The following PUDP variants were observed in gnomAD, a reference collection of about 807,000 sequenced individuals.
The protein encoded by PUDP is pseudouridine-5'-phosphatase.
Under a neutral mutation model 9.4 loss-of-function variants are expected in PUDP, and 8 were observed. That is an observed-to-expected ratio of 0.85 (90% CI 0.50 to 1.53). The LOEUF (loss-of-function observed/expected upper bound fraction) is 1.53, where lower values mean the gene tolerates loss of function less well. Among genes scored for constraint, PUDP ranks in the 40% most tolerant of loss-of-function variants. The probability of loss-of-function intolerance (pLI) is 0.00; values close to 1 mark genes in which losing one functional copy is unlikely to be tolerated. For missense variants in PUDP, 188 were observed against 189.7 expected (o/e 0.99, Z 0.05); for synonymous variants, 99 against 80.7 (o/e 1.23, Z -1.22).
chrX:6,910,446 G>A (rs978094691), intron 3 of PUDP, among the ~76,000 whole-genome samples: 1 of 111,402 alleles, frequency 9.0e-6, no homozygotes, highest in Non-Finnish European at 1.9e-5. Flanking sequence ...GGAGTGAGAT[G>A]TACCAGACAA....
intron 1 of PUDP, among the ~76,000 whole-genome samples, chrX:7,006,095 G>A (rs1039007582): frequency 2.7e-5 from 3 of 112,109 alleles, no homozygotes; most frequent in African/African-American, 9.8e-5. Flanking sequence ...GGACACTTGG[G>A]TTGCCTTCAC....
Position 7,074,112 on chromosome X carries a change from A to G in PUDP, c.510+3108T>C, listed in dbSNP as rs372509395. ...AAAACATGGCTAATTTTTTGTGGAG[A>G]CAGGGTCTGGCTATGTTGACCTGGC... On this transcript the variant is annotated intron_variant, in intron 3 of 3. Coordinates refer to ENST00000381077, the MANE Select transcript of PUDP (RefSeq NM_012080.5). Among the ~76,000 whole-genome samples, 7 of 112,515 alleles carry G rather than the reference A, an allele frequency of 6.2e-5. No homozygotes were observed. In the East Asian group the frequency reaches 2.0e-3, roughly 32 times the overall value.
At chrX:6,936,803 CA>C (rs1199212745) in intron 3 of PUDP, among the ~76,000 whole-genome samples, 3 of 97,242 alleles carry the variant, frequency 3.1e-5, no homozygotes, top group Non-Finnish European at 6.1e-5. Context: ...GATACAAAAT[CA>C]ATGTACAAAA....
chrX:6,730,255 C>T (rs949746888), intron 3 of PUDP, among the ~76,000 whole-genome samples: 1 of 112,225 alleles, frequency 8.9e-6, no homozygotes, highest in Non-Finnish European at 1.9e-5. Flanking sequence ...ATGATGCTGA[C>T]ATGATCGCCT....
chrX:6,812,387 A>C (rs765111064), intron 3 of PUDP, among the ~76,000 whole-genome samples: 4 of 111,949 alleles, frequency 3.6e-5, no homozygotes, highest in Non-Finnish European at 7.5e-5. Context: ...TTTTTCTTTA[A>C]AACAAGTGGA....
intron 1 of PUDP, among the ~76,000 whole-genome samples, chrX:7,109,429 G>A (rs747885062): frequency 1.8e-5 from 2 of 112,261 alleles, no homozygotes; most frequent in African/African-American, 6.5e-5. Flanking sequence ...CGATGGAGGT[G>A]CTCCGTGGAA....
rs377332928 is a variant in PUDP at position 6,988,875 on chromosome X, C to T, written c.205-10532G>A. Among the ~76,000 whole-genome samples, 15 of 111,584 alleles carry T rather than the reference C, an allele frequency of 1.3e-4. No individual in the cohort carries two copies. The South Asian group carries it at 2.7e-3, about 20-fold the overall frequency. ...TTACATTCCAGCCTTTGTATAAGGACACTGGCTCTATCAGCTTTTAATATT... is the reference window on the plus strand; with the variant it reads ...TTACATTCCAGCCTTTGTATAAGGATACTGGCTCTATCAGCTTTTAATATT... On this transcript the variant is annotated intron_variant and NMD_transcript_variant, in intron 1 of 3. Coordinates refer to the PUDP transcript ENST00000655425.
intron 1 of PUDP, chrX:6,989,400 A>G (rs1929146172): frequency 6.6e-6 from 1 of 151,762 alleles, no homozygotes; most frequent in Admixed American, 5.8e-5. Flanking sequence ...TAGAAAATGT[A>G]AAGGCCAAGA....
At chrX:6,748,600 T>A (rs1925027820) in intron 3 of PUDP, among the ~76,000 whole-genome samples, 1 of 110,903 alleles carries the variant, frequency 9.0e-6, no homozygotes, top group Non-Finnish European at 1.9e-5. Context: ...TTTGAAAAAA[T>A]TAAGACAATC....
At chrX:6,827,246 T>C (rs1027113406) in intron 3 of PUDP, among the ~76,000 whole-genome samples, 2 of 111,504 alleles carry the variant, frequency 1.8e-5, no homozygotes, top group Non-Finnish European at 3.8e-5. Flanking sequence ...GTGGAGGGTG[T>C]CCAGGTTCTT....
At chrX:6,733,002 C>T (rs939290311) in intron 3 of PUDP, among the ~76,000 whole-genome samples, 3 of 111,803 alleles carry the variant, frequency 2.7e-5, no homozygotes, top group South Asian at 3.7e-4. Flanking sequence ...AAATTGCACG[C>T]GCAAAGGTGG....
At chrX:6,784,996 C>T (rs983107933) in intron 3 of PUDP, among the ~76,000 whole-genome samples, 1 of 112,398 alleles carries the variant, frequency 8.9e-6, no homozygotes, top group Non-Finnish European at 1.9e-5. Context: ...CCACATAACC[C>T]AGTGCAATCG....
At chrX:6,749,263 G>T (rs1171095998) in intron 3 of PUDP, among the ~76,000 whole-genome samples, 1 of 112,116 alleles carries the variant, frequency 8.9e-6, no homozygotes, top group African/African-American at 3.2e-5. Flanking sequence ...TCAGGCAGCA[G>T]CATCGGGATT....
At chrX:7,019,945 A>AT (rs763692463) in intron 1 of PUDP, among the ~76,000 whole-genome samples, 21 of 110,030 alleles carry the variant, frequency 1.9e-4, no homozygotes, top group African/African-American at 6.0e-4. Flanking sequence ...GATTGGGAGA[A>AT]TTTTTTTTTA....
intron 3 of PUDP, among the ~76,000 whole-genome samples, chrX:6,879,293 G>A (rs1429889314): frequency 8.9e-6 from 1 of 111,988 alleles, no homozygotes; most frequent in Non-Finnish European, 1.9e-5. Context: ...CCATATTACT[G>A]TGCTAAGATT....
intron 3 of PUDP, among the ~76,000 whole-genome samples, chrX:6,945,318 T>C (rs1364456741): frequency 8.9e-6 from 1 of 111,938 alleles, no homozygotes; most frequent in Non-Finnish European, 1.9e-5. Context: ...AAGGAGAGAC[T>C]TAGAAGAAGC....
intron 3 of PUDP, chrX:7,057,952 C>T (rs1044915030): frequency 4.5e-5 from 21 of 462,787 alleles, no homozygotes; most frequent in Middle Eastern, 4.8e-4. Flanking sequence ...GGTCTCACTT[C>T]CCGGTGATGC....
At chrX:6,795,516 C>T (rs1394666929) in intron 3 of PUDP, among the ~76,000 whole-genome samples, 1 of 111,505 alleles carries the variant, frequency 9.0e-6, no homozygotes, top group African/African-American at 3.3e-5. Flanking sequence ...CAGTGGATTG[C>T]ATTACAGGAG....
intron 3 of PUDP, among the ~76,000 whole-genome samples, chrX:6,932,983 G>A (rs1244668468): frequency 9.1e-6 from 1 of 110,139 alleles, no homozygotes; most frequent in Admixed American, 9.7e-5. Context: ...GAACTGGGTG[G>A]AGCCCACCAC....
Sources: allele counts gnomAD v4.1 joint callset (sites outside exome capture counted in the v4.1 genomes callset), GRCh38; gene constraint gnomAD v4.1.1; transcripts MANE v1.5; gene names NCBI Gene and HGNC (gene_info 2026-07-23, HGNC 2026-07-21).